The following PCDH15 variants were observed in gnomAD, a reference collection of about 807,000 sequenced individuals.
PCDH15 encodes the protein protocadherin related 15.
A neutral mutation model predicts 178.5 loss-of-function variants in PCDH15; 129 were observed. The ratio of observed to expected loss-of-function variants is 0.72; its 90% CI spans 0.63 to 0.84. The LOEUF (loss-of-function observed/expected upper bound fraction) is 0.84. PCDH15 is among the 40% of genes least tolerant of loss of function. The pLI is 0.00. For synonymous variants in PCDH15, 800 were observed against 732.0 expected, an observed-to-expected ratio of 1.09 and a Z score of -1.50; for missense variants, 2,230 against 2,099.9, an observed-to-expected ratio of 1.06 and a Z score of -1.21.
intron 23 of PCDH15, among the ~76,000 whole-genome samples, chr10:53,951,529 G>C (rs1240611345): frequency 1.3e-5 from 2 of 152,176 alleles, no homozygotes; most frequent in Non-Finnish European, 2.9e-5. Context: ...TTATATCTTT[G>C]TCAAAAATAG....
intron 26 of PCDH15, among the ~76,000 whole-genome samples, chr10:53,896,543 AT>A (rs989685790): frequency 4.6e-5 from 7 of 152,090 alleles, no homozygotes; most frequent in African/African-American, 1.7e-4. Context: ...TTCATCAGTC[AT>A]TTTTCATTAG....
intron 27 of PCDH15, among the ~76,000 whole-genome samples, chr10:53,857,585 ATTG>A (rs1274821298): frequency 6.6e-6 from 1 of 151,772 alleles, no homozygotes; most frequent in Non-Finnish European, 1.5e-5. Flanking sequence ...TTTTAATTTG[ATTG>A]TTAAGGAACA....
chr10:54,219,615 A>G (rs916449848), intron 9 of PCDH15, among the ~76,000 whole-genome samples: 1 of 150,198 alleles, frequency 6.7e-6, no homozygotes, highest in South Asian at 2.1e-4. Flanking sequence ...AAAAAAAAAA[A>G]AGAGACTTAG....
intron 2 of PCDH15, among the ~76,000 whole-genome samples, chr10:55,165,040 A>C (rs1839161654): frequency 6.6e-6 from 1 of 152,096 alleles, no homozygotes; most frequent in Admixed American, 6.6e-5. Context: ...GGTATTAATA[A>C]TTATTAAATA....
intron 17 of PCDH15, among the ~76,000 whole-genome samples, chr10:54,077,197 C>A (rs970543562): frequency 2.6e-5 from 4 of 152,026 alleles, no homozygotes; most frequent in African/African-American, 7.2e-5. Context: ...ACAAAATTTA[C>A]TCAGAAAATC....
intron 8 of PCDH15, among the ~76,000 whole-genome samples, chr10:54,300,620 G>A (rs2060092195): frequency 6.6e-6 from 1 of 152,176 alleles, no homozygotes; most frequent in South Asian, 2.1e-4. Flanking sequence ...AGGAGGGATT[G>A]AGAGGTGAAG....
intron 1 of PCDH15, among the ~76,000 whole-genome samples, chr10:55,300,533 G>A (rs930728045): frequency 2.0e-5 from 3 of 152,078 alleles, no homozygotes; most frequent in East Asian, 3.9e-4. Flanking sequence ...GGAAACTCTC[G>A]TTAACAAAAA....
At chr10:55,128,120 C>T (rs1022786012) in intron 2 of PCDH15, among the ~76,000 whole-genome samples, 10 of 152,004 alleles carry the variant, frequency 6.6e-5, no homozygotes, top group Middle Eastern at 3.2e-3. Context: ...TATGATCTAA[C>T]GCTGTCATAC....
intron 2 of PCDH15, among the ~76,000 whole-genome samples, chr10:55,549,978 C>T (rs185010058): frequency 6.6e-6 from 1 of 152,038 alleles, no homozygotes; most frequent in Non-Finnish European, 1.5e-5. Context: ...GTATTTTTTC[C>T]CTTTCTCTAA....
At chr10:55,318,807 G>A (rs1265735455) in intron 1 of PCDH15, among the ~76,000 whole-genome samples, 4 of 152,124 alleles carry the variant, frequency 2.6e-5, no homozygotes, top group African/African-American at 9.7e-5. Flanking sequence ...GACACATGTT[G>A]GTGAAACTAG....
At chr10:54,430,885 A>C (rs1666743935) in intron 3 of PCDH15, among the ~76,000 whole-genome samples, 1 of 152,130 alleles carries the variant, frequency 6.6e-6, no homozygotes. Flanking sequence ...CTTAGCAAAA[A>C]GGAGAAGACC....
At chr10:54,560,890 G>A (rs182689850) in intron 2 of PCDH15, among the ~76,000 whole-genome samples, 1 of 152,018 alleles carries the variant, frequency 6.6e-6, no homozygotes, top group Non-Finnish European at 1.5e-5. Flanking sequence ...ACCATTGGAT[G>A]GGTTGTGTTT....
Position 53,822,008 on chromosome 10 carries a change from GT to G in PCDH15, c.4368-1779del, listed in dbSNP as rs778380770. On this transcript the variant is annotated intron_variant, in intron 32 of 37. Coordinates refer to ENST00000644397, the MANE Select transcript of PCDH15 (RefSeq NM_001384140.1). ...GTTCTGAAACATTTGTGCGTAGATA[GT>G]TTTTTTCTATTTGACTGTACATGTT... 6.2e-7 allele frequency: 1 copy of G among 1,613,908 alleles called. No homozygotes were observed. Among genetic ancestry groups the G allele is most frequent in the Non-Finnish European group, 8.5e-7 (1 of 1,179,864 alleles).
intron 18 of PCDH15, among the ~76,000 whole-genome samples, chr10:54,031,822 C>CA (rs1347519978): frequency 6.6e-6 from 1 of 151,978 alleles, no homozygotes; most frequent in Non-Finnish European, 1.5e-5. Flanking sequence ...GCTCATACAG[C>CA]AAAGAAAGAA....
At chr10:55,466,399 G>A (rs1020603126) in intron 2 of PCDH15, among the ~76,000 whole-genome samples, 5 of 152,008 alleles carry the variant, frequency 3.3e-5, no homozygotes, top group African/African-American at 7.2e-5. Flanking sequence ...ATTATGTGAT[G>A]ATCCACAATA....
intron 2 of PCDH15, among the ~76,000 whole-genome samples, chr10:55,009,826 T>C (rs1021020131): frequency 5.3e-5 from 8 of 152,182 alleles, no homozygotes; most frequent in African/African-American, 1.9e-4. Context: ...TGTCTTCTAA[T>C]GGGTAAATCA....
At chr10:54,549,579 A>ATTTTTTAAGTTTT (rs1041933483) in intron 2 of PCDH15, among the ~76,000 whole-genome samples, 1 of 151,844 alleles carries the variant, frequency 6.6e-6, no homozygotes, top group Admixed American at 6.6e-5. Flanking sequence ...TATATGGCCC[A>ATTTTTTAAGTTTT]TTTTTAAAGT....
chr10:54,720,101 G>A (rs1941333435), intron 1 of PCDH15, among the ~76,000 whole-genome samples: 2 of 152,090 alleles, frequency 1.3e-5, no homozygotes. Flanking sequence ...TGGTGGGTAT[G>A]TAAATTAGTT....
At chr10:55,151,808 C>T (rs893406068) in intron 2 of PCDH15, among the ~76,000 whole-genome samples, 4 of 151,908 alleles carry the variant, frequency 2.6e-5, no homozygotes, top group Non-Finnish European at 5.9e-5. Context: ...AATGAAAAGC[C>T]ATGATTCCAA....
Sources: allele counts gnomAD v4.1 joint callset (sites outside exome capture counted in the v4.1 genomes callset), GRCh38; gene constraint gnomAD v4.1.1; transcripts MANE v1.5; gene names NCBI Gene and HGNC (gene_info 2026-07-23, HGNC 2026-07-21).